GRIN2A: variants seen among roughly 807,000 people sequenced by gnomAD.
The protein encoded by GRIN2A is glutamate receptor ionotropic, NMDA 2A.
GRIN2A carries 22 observed loss-of-function variants against 113.4 expected under a neutral mutation model. The ratio of observed to expected loss-of-function variants is 0.19; its 90% CI spans 0.14 to 0.28. GRIN2A has a LOEUF of 0.28. GRIN2A is among the 10% of genes least tolerant of loss of function. GRIN2A has a pLI of 1.00. For synonymous variants in GRIN2A, 827 were observed against 738.4 expected, an observed-to-expected ratio of 1.12 and a Z score of -1.94; for missense variants, 1,502 against 1,887.0, an observed-to-expected ratio of 0.80 and a Z score of 3.78.
chr16:9,967,548 T>C (rs2045580352), intron 2 of GRIN2A, among the ~76,000 whole-genome samples: 1 of 152,090 alleles, frequency 6.6e-6, no homozygotes, highest in Non-Finnish European at 1.5e-5. Context: ...CTACTAAAAA[T>C]ACAAAAATTA....
chr16:9,880,778 CT>C (rs566849773), intron 4 of GRIN2A, among the ~76,000 whole-genome samples: 23 of 152,206 alleles, frequency 1.5e-4, no homozygotes, highest in Non-Finnish European at 2.6e-4. Context: ...CCAAATCTTG[CT>C]TATTCTCGTG....
chr16:9,988,345 A>G (rs985414137), intron 2 of GRIN2A, among the ~76,000 whole-genome samples: 2 of 151,874 alleles, frequency 1.3e-5, no homozygotes, highest in African/African-American at 4.8e-5. Flanking sequence ...ACATTTTTAA[A>G]TTTTTAATAC....
chr16:10,076,587 T>C (rs1266987504), intron 2 of GRIN2A, among the ~76,000 whole-genome samples: 1 of 152,126 alleles, frequency 6.6e-6, no homozygotes, highest in Non-Finnish European at 1.5e-5. Context: ...TGTATTCTTG[T>C]CACAGACAAT....
intron 3 of GRIN2A, among the ~76,000 whole-genome samples, chr16:9,901,111 G>A (rs1326286027): frequency 6.6e-6 from 1 of 152,212 alleles, no homozygotes; most frequent in Non-Finnish European, 1.5e-5. Context: ...TAAAAGCAGG[G>A]ATTTTGCCTG....
At chr16:9,841,154 T>C (rs1273548580) in intron 5 of GRIN2A, 50 bp from the exon 6 acceptor site, 1 of 1,429,848 alleles carries the variant, frequency 7.0e-7, no homozygotes, top group Non-Finnish European at 9.9e-7. Flanking sequence ...GGAAGGTTTG[T>C]TCACAATCAT....
intron 2 of GRIN2A, among the ~76,000 whole-genome samples, chr16:9,946,977 CA>C (rs1180334128): frequency 2.0e-5 from 3 of 152,134 alleles, no homozygotes; most frequent in Non-Finnish European, 4.4e-5. Flanking sequence ...TTGCTTAAGC[CA>C]ATTTGATTAG....
chr16:10,024,324 G>A (rs964114954), intron 2 of GRIN2A, among the ~76,000 whole-genome samples: 2 of 152,202 alleles, frequency 1.3e-5, no homozygotes, highest in African/African-American at 4.8e-5. Context: ...CCTGGGTCAA[G>A]CAATTCTTCT....
intron 2 of GRIN2A, among the ~76,000 whole-genome samples, chr16:10,128,485 T>A (rs556058993): frequency 6.6e-6 from 1 of 152,234 alleles, no homozygotes; most frequent in East Asian, 1.9e-4. Flanking sequence ...TTACAGAATG[T>A]TGAGATTGGC....
chr16:9,954,606 G>T (rs1175206104), intron 2 of GRIN2A, among the ~76,000 whole-genome samples: 1 of 152,110 alleles, frequency 6.6e-6, no homozygotes, highest in East Asian at 1.9e-4. Flanking sequence ...CACACAAGAT[G>T]GTGATTAGAC....
In GRIN2A at chr16:9,759,145, T is replaced by C. The variant is rs1900475620; in HGVS notation, c.*4004A>G. The C allele has an allele frequency of 4.6e-6, 1 of 217,246 alleles. No individual in the cohort carries two copies. The highest frequency in any genetic ancestry group is 6.9e-5 in the East Asian group (1 of 14,594). 13.5% of individuals were successfully genotyped at this position (217,246 alleles called of 1,614,324 possible). On this transcript the variant is annotated 3_prime_UTR_variant, in exon 13 of 13. Coordinates refer to ENST00000330684, the MANE Select transcript of GRIN2A (RefSeq NM_001134407.3). The stretch of plus-strand genomic sequence containing the variant: ...GAATATATCCAGCTCCTCTGTAAGG[T>C]ATTTAGAGTTCTCAAATTAGTGTTT...
At position 9,757,479 on chromosome 16, in the gene GRIN2A, C is replaced by T. The variant is rs1900398596; in HGVS notation, c.*5670G>A. ...TAGTCTCTGTTTGCATTGCATGGGT[C>T]CTTGGTTATCCTTTGTATTAGAGAA... On this transcript the variant is annotated 3_prime_UTR_variant, in exon 13 of 13. Transcript: ENST00000330684. 1 of 228,432 alleles carries T rather than the reference C, an allele frequency of 4.4e-6. No homozygotes were observed. Among genetic ancestry groups the T allele is most frequent in the Non-Finnish European group, 8.7e-6 (1 of 115,552 alleles). The allele number at this position is 228,432 out of a possible 1,614,324, so 14.2% of individuals were successfully genotyped here. A position where few individuals can be genotyped will look rare whatever the true frequency, so the allele number is the denominator to read the frequency against.
At chr16:9,900,346 G>C (rs1364250684) in intron 3 of GRIN2A, among the ~76,000 whole-genome samples, 1 of 152,150 alleles carries the variant, frequency 6.6e-6, no homozygotes, top group Non-Finnish European at 1.5e-5. Context: ...AGCTTCTATG[G>C]TGCAAAGCCT....
At position 9,757,637 on chromosome 16, in the gene GRIN2A, A is replaced by G. The variant is rs149933070; in HGVS notation, c.*5512T>C. ...TCAGTGAAGTCCTATTAGCTGGTCA[A>G]TGTGCTTGGTTCTTCCTCAATGCAT... is the stretch of plus-strand genomic sequence containing the variant. On this transcript the variant is annotated 3_prime_UTR_variant, in exon 13 of 13. Coordinates refer to ENST00000330684, the MANE Select transcript of GRIN2A (RefSeq NM_001134407.3). 739 of 222,028 alleles carry G rather than the reference A, an allele frequency of 3.3e-3. 3 individuals carry two copies. The highest frequency in any genetic ancestry group is 0.014 in the African/African-American group (615 of 44,834). 13.8% of individuals were successfully genotyped at this position (222,028 alleles called of 1,614,324 possible). A position where few individuals can be genotyped will look rare whatever the true frequency, so the allele number is the denominator to read the frequency against.
At chr16:9,910,982 T>C (rs1423224974) in intron 3 of GRIN2A, among the ~76,000 whole-genome samples, 1 of 151,982 alleles carries the variant, frequency 6.6e-6, no homozygotes, top group Admixed American at 6.6e-5. Flanking sequence ...CATTGGTGTA[T>C]AGATACACAT....
intron 2 of GRIN2A, among the ~76,000 whole-genome samples, chr16:10,118,416 G>A (rs1046608674): frequency 1.3e-5 from 2 of 152,064 alleles, no homozygotes; most frequent in African/African-American, 4.8e-5. Flanking sequence ...ATGTACTGCT[G>A]TGGGTACAGC....
chr16:10,015,895 C>T (rs758309696), intron 2 of GRIN2A, among the ~76,000 whole-genome samples: 29 of 151,888 alleles, frequency 1.9e-4, no homozygotes, highest in Non-Finnish European at 3.5e-4. Context: ...TTTGGGAGGT[C>T]GAGGTGGGAG....
At chr16:9,861,037 C>G (rs540499407) in intron 4 of GRIN2A, among the ~76,000 whole-genome samples, 13 of 152,142 alleles carry the variant, frequency 8.5e-5, no homozygotes, top group Non-Finnish European at 1.6e-4. Flanking sequence ...AATTGCAAAA[C>G]TAAAAATCAG....
intron 4 of GRIN2A, among the ~76,000 whole-genome samples, chr16:9,858,042 C>A (rs1305899243): frequency 6.6e-6 from 1 of 151,792 alleles, no homozygotes; most frequent in Non-Finnish European, 1.5e-5. Flanking sequence ...CCTAATTTAA[C>A]GAATAGGCAC....
chr16:10,046,584 C>T (rs192392499), intron 2 of GRIN2A, among the ~76,000 whole-genome samples: 2 of 151,966 alleles, frequency 1.3e-5, no homozygotes, highest in East Asian at 1.9e-4. Context: ...ATCCCAATGC[C>T]GTATAGGATG....
Sources: gnomAD v4.1 joint callset for allele counts (sites outside exome capture counted in the v4.1 genomes callset) on GRCh38, gnomAD v4.1.1 for gene constraint, MANE v1.5 for transcripts, NCBI Gene and HGNC (gene_info 2026-07-23, HGNC 2026-07-21) for gene names.